S100PBP: variants seen among roughly 807,000 people sequenced by gnomAD.
S100PBP encodes S100P binding protein, also known as S100P-binding protein.
In S100PBP, 15 loss-of-function variants were observed where a neutral mutation model predicts 39.9. That is an observed-to-expected ratio of 0.38 (90% CI 0.25 to 0.58). The LOEUF is 0.58. Among genes scored for constraint, S100PBP ranks in the 20% least tolerant of loss-of-function variants. The pLI, the probability that S100PBP is intolerant of heterozygous loss-of-function variation, is 0.70. For missense variants in S100PBP, 504 were observed against 487.3 expected (o/e 1.03, Z -0.32); for synonymous variants, 178 against 180.3 (o/e 0.99, Z 0.10).
At chr1:32,855,733 CT>C (rs1180707785) in intron 6 of S100PBP, among the ~76,000 whole-genome samples, 190 bp from the exon 7 acceptor site, 1 of 152,030 alleles carries the variant, frequency 6.6e-6, no homozygotes, top group Non-Finnish European at 1.5e-5. Flanking sequence ...AGAAATAGCA[CT>C]TACGGTGTGG....
In S100PBP at chr1:32,857,571, A is replaced by G. The variant is rs1445482655; in HGVS notation, c.*1533A>G. ...GGTGATCTGCCCACCTCGGCCTCCTAAAGTGCTGGGATTACAGGCATGAGC... is the reference window on the plus strand; with the variant it reads ...GGTGATCTGCCCACCTCGGCCTCCTGAAGTGCTGGGATTACAGGCATGAGC... On this transcript the variant is annotated 3_prime_UTR_variant, in exon 7 of 7. Coordinates refer to ENST00000373475, the MANE Select transcript of S100PBP (RefSeq NM_022753.4). The G allele has an allele frequency of 6.6e-6, 1 of 152,252 alleles. No homozygotes were observed. Among genetic ancestry groups the G allele is most frequent in the East Asian group, 1.9e-4 (1 of 5,190 alleles). The allele number at this position is 152,252 out of a possible 1,614,324, so 9.4% of individuals were successfully genotyped here.
intron 5 of S100PBP, among the ~76,000 whole-genome samples, chr1:32,839,990 G>A (rs1640013630): frequency 6.6e-6 from 1 of 151,074 alleles, no homozygotes; most frequent in South Asian, 2.1e-4. Context: ...TTTTTGTTTT[G>A]TTTTGTTTTT....
At chr1:32,821,758 C>G (rs1639077605) in intron 1 of S100PBP, among the ~76,000 whole-genome samples, 1 of 151,776 alleles carries the variant, frequency 6.6e-6, no homozygotes, top group Non-Finnish European at 1.5e-5. Context: ...CCTCAGACTT[C>G]TGAATAGCTG....
chr1:32,849,965 A>T (rs1164364550), intron 5 of S100PBP, among the ~76,000 whole-genome samples: 3 of 152,224 alleles, frequency 2.0e-5, no homozygotes, highest in African/African-American at 7.2e-5. Flanking sequence ...AAACTAGCAC[A>T]TAGGACAGTG....
intron 5 of S100PBP, among the ~76,000 whole-genome samples, chr1:32,839,740 G>A (rs1171427265): frequency 6.6e-6 from 1 of 152,014 alleles, no homozygotes; most frequent in Non-Finnish European, 1.5e-5. Flanking sequence ...GAACTCCTGG[G>A]CTCAAACTAT....
At position 32,847,033 on chromosome 1, in the gene S100PBP, G is replaced by A. The variant is rs1329322067; in HGVS notation, c.1025-6046G>A. Among the ~76,000 whole-genome samples the A allele has an allele frequency of 7.2e-5, 11 of 152,098 alleles. No homozygotes were observed. In the East Asian group the frequency reaches 2.1e-3, roughly 29 times the overall value. ...AACCTCAGGTGATCCGCCCACCTTG[G>A]CCTCCCAAAGTGCTGGGATTACAGG... On this transcript the variant is annotated intron_variant, in intron 5 of 6. Transcript: ENST00000373475.
chr1:32,854,058 G>A (rs1205451795), intron 6 of S100PBP, among the ~76,000 whole-genome samples: 1 of 151,808 alleles, frequency 6.6e-6, no homozygotes, highest in African/African-American at 2.4e-5. Context: ...GATTCTTGAT[G>A]CAGTGTGGCT....
At chr1:32,844,635 T>C (rs1399709168) in intron 5 of S100PBP, among the ~76,000 whole-genome samples, 1 of 151,892 alleles carries the variant, frequency 6.6e-6, no homozygotes, top group East Asian at 1.9e-4. Context: ...TATGCCTAGC[T>C]AATTTTTAAA....
intron 5 of S100PBP, among the ~76,000 whole-genome samples, chr1:32,837,424 G>A (rs1200823124): frequency 6.9e-6 from 1 of 145,116 alleles, no homozygotes; most frequent in Non-Finnish European, 1.5e-5. Flanking sequence ...TGGGATTATA[G>A]GCACCGGCCA....
At chr1:32,824,496 A>C (rs1639232435) in intron 1 of S100PBP, among the ~76,000 whole-genome samples, 1 of 152,184 alleles carries the variant, frequency 6.6e-6, no homozygotes, top group Non-Finnish European at 1.5e-5. Flanking sequence ...AAAATGATAC[A>C]AAGTCCAACC....
chr1:32,855,947 A>G lies in S100PBP; in HGVS notation c.1136A>G (p.His379Arg). 1.2e-6 allele frequency: 2 copies of G among 1,613,622 alleles called. No homozygotes were observed. Residue 379 changes from histidine to arginine, a missense_variant, in exon 7 of 7, where the codon CAT becomes CGT. Transcript: ENST00000373475. ...TTRNYARRQKHLQRYSLTQWV... is the reference protein window; with the variant it reads ...TTRNYARRQKRLQRYSLTQWV... ...AGAAACTACGCCCGCCGACAGAAAC[A>G]TCTGCAAAGATACAGTCTGACTCAG...
chr1:32,854,107 A>ATCTTT (rs1215777735), intron 6 of S100PBP, among the ~76,000 whole-genome samples: 63 of 152,286 alleles, frequency 4.1e-4, no homozygotes, highest in Admixed American at 2.7e-3. Flanking sequence ...AGATACTCAA[A>ATCTTT]AACCTTGGAA....
chr1:32,829,224 T>G (rs959405464), intron 4 of S100PBP, among the ~76,000 whole-genome samples: 2 of 152,126 alleles, frequency 1.3e-5, no homozygotes, highest in African/African-American at 2.4e-5. Context: ...GTACAGTCAG[T>G]CAGTATGAGT....
At chr1:32,850,662 A>T (rs1569948467) in intron 5 of S100PBP, among the ~76,000 whole-genome samples, 1 of 152,240 alleles carries the variant, frequency 6.6e-6, no homozygotes, top group Non-Finnish European at 1.5e-5. Flanking sequence ...AAAAATAAAG[A>T]GACTGTAGAT....
chr1:32,837,361 C>T (rs987049151), intron 5 of S100PBP, among the ~76,000 whole-genome samples: 4 of 147,506 alleles, frequency 2.7e-5, no homozygotes, highest in African/African-American at 7.5e-5. Context: ...TCTGAGCTCA[C>T]TGCAGCCTCC....
At chr1:32,836,298 A>G (rs536962327) in intron 5 of S100PBP, 2 of 152,092 alleles carry the variant, frequency 1.3e-5, no homozygotes, top group African/African-American at 2.4e-5. Flanking sequence ...ACGTCTGGCT[A>G]ATTTTTGTAT....
chr1:32,845,080 A>G (rs1640304026), intron 5 of S100PBP, among the ~76,000 whole-genome samples: 1 of 151,264 alleles, frequency 6.6e-6, no homozygotes, highest in Non-Finnish European at 1.5e-5. Flanking sequence ...GCTGGAGTGC[A>G]GTGGCGCGAT....
At chr1:32,818,253 C>CG (rs1336364186) in intron 1 of S100PBP, 3 of 152,270 alleles carry the variant, frequency 2.0e-5, no homozygotes, top group African/African-American at 7.2e-5. Flanking sequence ...GCGGTGTCCC[C>CG]GGGGGAGGGA....
At chr1:32,853,496 G>C (rs866516987) in intron 6 of S100PBP, among the ~76,000 whole-genome samples, 1 of 294 alleles carries the variant, frequency 3.4e-3, no homozygotes, top group Non-Finnish European at 0.021. Flanking sequence ...AAGGCGGTGG[G>C]GGGGGGGCGC....
Sources: allele counts gnomAD v4.1 joint callset (sites outside exome capture counted in the v4.1 genomes callset), GRCh38; gene constraint gnomAD v4.1.1; transcripts MANE v1.5; gene names NCBI Gene and HGNC (gene_info 2026-07-23, HGNC 2026-07-21).